The following NPEPPS variants were observed in gnomAD, a reference collection of about 807,000 sequenced individuals.
NPEPPS encodes the protein aminopeptidase puromycin sensitive.
NPEPPS carries 14 observed loss-of-function variants against 115.5 expected under a neutral mutation model. The ratio of observed to expected loss-of-function variants is 0.12; its 90% confidence interval spans 0.08 to 0.19. The LOEUF is 0.19. NPEPPS is among the 10% of genes least tolerant of loss of function. The probability of loss-of-function intolerance (pLI) is 1.00; values close to 1 mark genes in which losing one functional copy is unlikely to be tolerated. For missense variants in NPEPPS, 523 were observed against 1,110.8 expected (o/e 0.47, Z 7.52); for synonymous variants, 285 against 390.6 (o/e 0.73, Z 3.19).
At chr17:47,581,233 A>T (rs1161037108) in intron 4 of NPEPPS, 1 of 152,004 alleles carries the variant, frequency 6.6e-6, no homozygotes, top group Non-Finnish European at 1.5e-5. Flanking sequence ...TTATATCTTG[A>T]TATCGAAAAT....
At chr17:47,524,920 T>A (rs1460748966) in intron 1 of NPEPPS, among the ~76,000 whole-genome samples, 1 of 151,160 alleles carries the variant, frequency 6.6e-6, no homozygotes, top group Non-Finnish European at 1.5e-5. Flanking sequence ...TGTTAACTTT[T>A]TATTGATATA....
chr17:47,605,228 C>T (rs927413662), intron 16 of NPEPPS, 105 bp from the exon 17 acceptor site: 4 of 738,824 alleles, frequency 5.4e-6, no homozygotes, highest in Non-Finnish European at 8.9e-6. Flanking sequence ...GTCCCATTTC[C>T]TTAAACCAAA....
chr17:47,557,771 A>G (rs774013997), intron 2 of NPEPPS, among the ~76,000 whole-genome samples: 8 of 149,006 alleles, frequency 5.4e-5, no homozygotes, highest in Admixed American at 6.7e-5. Context: ...ATGTTGACAT[A>G]CTATAAAGGG....
At chr17:47,580,499 C>G (rs1911806712) in intron 4 of NPEPPS, 1 of 152,072 alleles carries the variant, frequency 6.6e-6, no homozygotes, top group African/African-American at 2.4e-5. Flanking sequence ...ACCAGATTTA[C>G]TGGGTATATA....
intron 9 of NPEPPS, among the ~76,000 whole-genome samples, chr17:47,588,334 G>A (rs1722719387): frequency 6.6e-6 from 1 of 152,170 alleles, no homozygotes; most frequent in Admixed American, 6.5e-5. Context: ...GGCTGAGGCA[G>A]GTGGATCACT....
intron 17 of NPEPPS, among the ~76,000 whole-genome samples, chr17:47,605,862 T>TTTTA (rs1205744775): frequency 2.5e-4 from 38 of 152,220 alleles, no homozygotes; most frequent in East Asian, 1.4e-3. Flanking sequence ...GGTTGTTTTG[T>TTTTA]TTTATTTATT....
chr17:47,573,588 G>A (rs930993400), intron 3 of NPEPPS, among the ~76,000 whole-genome samples: 1 of 152,226 alleles, frequency 6.6e-6, no homozygotes, highest in African/African-American at 2.4e-5. Flanking sequence ...CCATGGTCGT[G>A]GCTCATGCCT....
intron 2 of NPEPPS, among the ~76,000 whole-genome samples, chr17:47,548,708 C>A (rs909308901): frequency 2.7e-5 from 4 of 150,192 alleles, no homozygotes; most frequent in Non-Finnish European, 5.9e-5. Flanking sequence ...TCCTGAGTAG[C>A]TGGGATTACA....
Position 47,605,395 on chromosome 17 carries a change from G to A in NPEPPS, c.1938G>A (p.Glu646=). ...VLKVMEAFVN[E]PNYTVWSDLS... ...AAGTCATGGAGGCTTTTGTGAATGA[G>A]CCCAATTATACTGTATGGAGCGACC... Residue 646 remains glutamate (E), a synonymous_variant, in exon 17 of 23, where the codon GAG becomes GAA. Coordinates refer to ENST00000322157, the MANE Select transcript of NPEPPS (RefSeq NM_006310.4). 1 of 1,611,554 alleles carries A rather than the reference G, an allele frequency of 6.2e-7. No homozygotes were observed. The highest frequency in any genetic ancestry group is 8.5e-7 in the Non-Finnish European group (1 of 1,178,840).
chr17:47,525,058 AC>A (rs1907380066), intron 1 of NPEPPS, among the ~76,000 whole-genome samples: 1 of 151,882 alleles, frequency 6.6e-6, no homozygotes, highest in Non-Finnish European at 1.5e-5. Flanking sequence ...CTTCTGAAGC[AC>A]CATGGAGGGA....
chr17:47,543,882 T>C (rs1041868769), intron 1 of NPEPPS, among the ~76,000 whole-genome samples: 2 of 125,004 alleles, frequency 1.6e-5, no homozygotes, highest in African/African-American at 5.2e-5. Context: ...TTTGTTTGTT[T>C]GTTTGTTTGT....
intron 2 of NPEPPS, among the ~76,000 whole-genome samples, chr17:47,557,119 C>G (rs1195193731): frequency 6.6e-6 from 1 of 152,158 alleles, no homozygotes. Flanking sequence ...CACTCTGTCA[C>G]CCAGGCTGGA....
At chr17:47,576,145 T>C (rs1158582788) in intron 3 of NPEPPS, among the ~76,000 whole-genome samples, 1 of 152,100 alleles carries the variant, frequency 6.6e-6, no homozygotes, top group Non-Finnish European at 1.5e-5. Context: ...TTTTCTGAAA[T>C]TGGCACCATT....
chr17:47,547,066 C>T (rs1455214089), intron 2 of NPEPPS, among the ~76,000 whole-genome samples: 1 of 151,642 alleles, frequency 6.6e-6, no homozygotes, highest in South Asian at 2.1e-4. Context: ...AAGTCATACT[C>T]CTAATTCGGA....
chr17:47,622,863 C>T lies in NPEPPS; in HGVS notation c.*943C>T, dbSNP rs17677508. 8,788 of 455,916 alleles carry T rather than the reference C, an allele frequency of 0.019. 200 individuals carry two copies. Among genetic ancestry groups the T allele is most frequent in the South Asian group, 0.057 (3,701 of 64,512 alleles). The allele number at this position is 455,916 out of a possible 1,614,324, so 28.2% of individuals were successfully genotyped here. On this transcript the variant is annotated 3_prime_UTR_variant, in exon 23 of 23. Transcript: ENST00000322157. ...GTCTGAAAAGCCAGCTCTTGAACCT[C>T]TTCACAACAGTATCAACACTGGCTT...
At chr17:47,569,736 G>C (rs1478384450) in intron 3 of NPEPPS, among the ~76,000 whole-genome samples, 1 of 151,968 alleles carries the variant, frequency 6.6e-6, no homozygotes, top group Non-Finnish European at 1.5e-5. Context: ...TCCTGCGTCG[G>C]CCTCCCGAGT....
At chr17:47,612,079 T>G (rs1913905663) in intron 17 of NPEPPS, among the ~76,000 whole-genome samples, 1 of 152,210 alleles carries the variant, frequency 6.6e-6, no homozygotes. Flanking sequence ...TTCAATTTAT[T>G]ATACAAAGAG....
chr17:47,593,856 A>G lies in NPEPPS; in HGVS notation c.1426+1311A>G, dbSNP rs568969501. On this transcript the variant is annotated intron_variant, in intron 12 of 22. Transcript: ENST00000322157. Reference sequence around the variant, plus strand: ...TAAATATAGAAAAGGTACAGTAAAAATATGATATTAAAGATGCTCCACCAG... The same window carrying G: ...TAAATATAGAAAAGGTACAGTAAAAGTATGATATTAAAGATGCTCCACCAG... 3.3e-5 allele frequency among the ~76,000 whole-genome samples: 5 copies of G among 152,332 alleles called. No homozygotes were observed. In the South Asian group the frequency reaches 1.0e-3, roughly 32 times the overall value.
At position 47,585,647 on chromosome 17, in the gene NPEPPS, G is replaced by A; in HGVS notation, c.796G>A (p.Val266Ile). The A allele has an allele frequency of 1.2e-6, 2 of 1,613,940 alleles. No homozygotes were observed. Among genetic ancestry groups the A allele is most frequent in the South Asian group, 2.2e-5 (2 of 91,084 alleles). Residue 266 changes from valine to isoleucine, a missense_variant, in exon 6 of 23, where the codon GTC becomes ATC. Val to Ile is a conservative substitution (Grantham distance 29). Coordinates refer to ENST00000322157, the MANE Select transcript of NPEPPS (RefSeq NM_006310.4). ...VETRSKDGVC[V>I]RVYTPVGKAE... ...AACAAGGTCAAAAGATGGTGTGTGTGTCCGTGTTTACACTCCTGTTGGCAA... is the reference window on the plus strand; with the variant it reads ...AACAAGGTCAAAAGATGGTGTGTGTATCCGTGTTTACACTCCTGTTGGCAA...
Sources: gnomAD v4.1 joint callset for allele counts (sites outside exome capture counted in the v4.1 genomes callset) on GRCh38, gnomAD v4.1.1 for gene constraint, MANE v1.5 for transcripts, NCBI Gene and HGNC (gene_info 2026-07-23, HGNC 2026-07-21) for gene names.